The following CACNA1H variants were observed in gnomAD, a reference collection of about 807,000 sequenced individuals.
CACNA1H encodes the protein voltage-dependent T-type calcium channel subunit alpha-1H.
A neutral mutation model predicts 192.5 loss-of-function variants in CACNA1H; 149 were observed. That is an observed-to-expected ratio of 0.77 (90% CI 0.68 to 0.89). CACNA1H has a LOEUF of 0.89. CACNA1H is among the 40% of genes least tolerant of loss of function. The pLI, the probability that CACNA1H is intolerant of heterozygous loss-of-function variation, is 0.00. For missense variants in CACNA1H, 4,257 were observed against 3,423.5 expected (o/e 1.24, Z -6.08); for synonymous variants, 2,202 against 1,475.2 (o/e 1.49, Z -11.29).
chr16:1,155,062 C>T (rs532557195), intron 2 of CACNA1H, among the ~76,000 whole-genome samples: 2 of 152,338 alleles, frequency 1.3e-5, no homozygotes, highest in East Asian at 1.9e-4. Context: ...GCAGGAGCGG[C>T]CTGTGTACAC....
chr16:1,202,218 C>T lies in CACNA1H; in HGVS notation c.1768C>T (p.Arg590Trp), dbSNP rs199920661. Residue 590 changes from arginine to tryptophan, a missense_variant, in exon 9 of 35, where the codon CGG becomes TGG. By Grantham distance (101) the Arg-to-Trp change is moderately radical. Coordinates refer to ENST00000348261, the MANE Select transcript of CACNA1H (RefSeq NM_021098.3). ...CATAGAGGGGCCGCAGGAGAGGGCC[C>T]GGGTGGCACATGCCGCAGCCACTGC... ...CHIEGPQERARVAHAAATAAA... is the reference protein window; with the variant it reads ...CHIEGPQERAWVAHAAATAAA... 3.1e-5 allele frequency: 48 copies of T among 1,553,656 alleles called. No homozygotes were observed. The highest frequency in any genetic ancestry group is 1.2e-4 in the Admixed American group (6 of 51,424).
At chr16:1,206,920 A>ACCCCCCCCCC in intron 12 of CACNA1H, 81 bp from the exon 13 acceptor site, 1 of 48,172 alleles carries the variant, frequency 2.1e-5, no homozygotes, top group Non-Finnish European at 3.8e-5. Flanking sequence ...CCCTCCTCCC[A>ACCCCCCCCCC]CCCCCCTCCC....
rs774604155 is a variant in CACNA1H at position 1,209,366 on chromosome 16, A to T, written c.3698A>T (p.Asp1233Val). Residue 1233 changes from aspartate to valine, a missense_variant, in exon 17 of 35, where the codon GAC (aspartate) becomes GTC (valine). By Grantham distance (152) the Asp-to-Val change is radical. Coordinates refer to ENST00000348261, the MANE Select transcript of CACNA1H (RefSeq NM_021098.3). ...CCCAGCGACTTCTTCCTGCGCATCG[A>T]CAGCCACCGTGAGGATGCAGCCGAG... ...ALPSDFFLRI[D>V]SHREDAAELD... 1.9e-6 allele frequency: 3 copies of T among 1,597,788 alleles called. No individual in the cohort carries two copies. The highest frequency in any genetic ancestry group is 1.7e-5 in the Admixed American group (1 of 59,964).
At chr16:1,154,367 A>G (rs1230495487) in intron 2 of CACNA1H, among the ~76,000 whole-genome samples, 1 of 152,038 alleles carries the variant, frequency 6.6e-6, no homozygotes, top group East Asian at 1.9e-4. Flanking sequence ...TCGCGGCCCC[A>G]AGGGTGTTGG....
At chr16:1,188,058 C>T (rs1415883711) in intron 2 of CACNA1H, among the ~76,000 whole-genome samples, 1 of 152,182 alleles carries the variant, frequency 6.6e-6, no homozygotes, top group Non-Finnish European at 1.5e-5. Flanking sequence ...TGAAATAGCC[C>T]TTTTGTACAG....
chr16:1,212,581 G>C (rs1969588206), intron 26 of CACNA1H, 53 bp downstream of exon 26: 1 of 1,580,490 alleles, frequency 6.3e-7, no homozygotes, highest in African/African-American at 1.4e-5. Context: ...CCGCTGCTCG[G>C]GGAAGGGCGG....
intron 2 of CACNA1H, among the ~76,000 whole-genome samples, chr16:1,189,816 G>C (rs149433241): frequency 1.3e-3 from 205 of 152,262 alleles, no homozygotes; most frequent in African/African-American, 4.8e-3. Context: ...CACCGAGGGG[G>C]TCTTCAGCCC....
rs1489718587 is a variant in CACNA1H, at chr16:1,215,228, C to T, written c.5040-14C>T. 3 of 1,597,070 alleles carry T rather than the reference C, an allele frequency of 1.9e-6. No individual in the cohort carries two copies. Among genetic ancestry groups the T allele is most frequent in the Non-Finnish European group, 8.5e-7 (1 of 1,171,556 alleles). Reference sequence around the variant, plus strand: ...GGGACCCCAGACGTGTGCGCTGAGCCTCCGGCCACACAGGTGGAACCAGCT... The same window carrying T: ...GGGACCCCAGACGTGTGCGCTGAGCTTCCGGCCACACAGGTGGAACCAGCT... On this transcript the variant is annotated splice_polypyrimidine_tract_variant and intron_variant, in intron 28 of 34. Transcript: ENST00000348261.
In CACNA1H at chr16:1,210,807, G is replaced by C. The variant is rs749134982; in HGVS notation, c.4059G>C (p.Leu1353=). ...CGCAGGTGGTGGCCCTGGGGCTGCT[G>C]TCCGGCGAGCACGCCTACCTGCAGA... ...MMVKVVALGL[L]SGEHAYLQSS... The change falls in exon 21 of 35, where the codon CTG becomes CTC. Residue 1353 remains leucine (L), a synonymous_variant. Coordinates refer to ENST00000348261, the MANE Select transcript of CACNA1H (RefSeq NM_021098.3). 8.7e-6 allele frequency: 14 copies of C among 1,601,892 alleles called. No individual in the cohort carries two copies. In the Admixed American group the frequency reaches 1.0e-4, roughly 11 times the overall value.
chr16:1,153,672 G>T (rs1368395220), intron 1 of CACNA1H, 48 bp from the exon 2 acceptor site: 44 of 1,127,610 alleles, frequency 3.9e-5, no homozygotes, highest in Non-Finnish European at 4.7e-5. Context: ...GCGGGAGGCA[G>T]GGCGGGGGCG....
At chr16:1,199,969 C>A (rs183269120) in intron 6 of CACNA1H, among the ~76,000 whole-genome samples, 1 of 149,568 alleles carries the variant, frequency 6.7e-6, no homozygotes, top group Non-Finnish European at 1.5e-5. Flanking sequence ...CATCCCTGTT[C>A]TTTGTGTGTT....
intron 16 of CACNA1H, 96 bp downstream of exon 16, chr16:1,208,317 C>A: frequency 2.4e-6 from 2 of 839,326 alleles, no homozygotes; most frequent in Non-Finnish European, 3.8e-6. Context: ...GGGCCGCACC[C>A]CCCACACCCT....
At chr16:1,197,571 T>C (rs3794620) in intron 5 of CACNA1H, among the ~76,000 whole-genome samples, 62,003 of 152,170 alleles carry the variant, frequency 0.41, 13,216 homozygotes, top group African/African-American at 0.44. Context: ...GGCTGCATCC[T>C]GTTCTGTTGG....
At chr16:1,179,895 C>G (rs1965295655) in intron 2 of CACNA1H, among the ~76,000 whole-genome samples, 1 of 151,460 alleles carries the variant, frequency 6.6e-6, no homozygotes, top group African/African-American at 2.4e-5. Context: ...CCACCACGCC[C>G]AGCTAATTGT....
intron 7 of CACNA1H, 40 bp downstream of exon 7, chr16:1,200,611 G>T: frequency 1.2e-6 from 2 of 1,604,934 alleles, no homozygotes. Flanking sequence ...CTGGGGCACG[G>T]CAGGGGAGCG....
Position 1,210,818 on chromosome 16 carries a change from A to T in CACNA1H, c.4070A>T (p.His1357Leu), listed in dbSNP as rs775971172. ...VVALGLLSGE[H>L]AYLQSSWNLL... ...GCCCTGGGGCTGCTGTCCGGCGAGC[A>T]CGCCTACCTGCAGAGCAGCTGGAAC... The change falls in exon 21 of 35, where the codon CAC becomes CTC. Residue 1357 changes from histidine (H) to leucine (L), a missense_variant. Physicochemically the swap from His to Leu is moderately conservative, Grantham distance 99. Coordinates refer to ENST00000348261, the MANE Select transcript of CACNA1H (RefSeq NM_021098.3). The T allele has an allele frequency of 1.3e-5, 21 of 1,602,944 alleles. No homozygotes were observed. The highest frequency in any genetic ancestry group is 1.7e-5 in the Admixed American group (1 of 59,988).
chr16:1,195,466 T>G lies in CACNA1H; in HGVS notation c.446T>G (p.Val149Gly). The change falls in exon 4 of 35, where the codon GTG (valine) becomes GGG (glycine). Residue 149 changes from valine (V) to glycine (G), a missense_variant. Physicochemically the swap from Val to Gly is moderately radical, Grantham distance 109. Coordinates refer to ENST00000348261, the MANE Select transcript of CACNA1H (RefSeq NM_021098.3). ...FDAFIFAFFA[V>G]EMVIKMVALG... ...GCCTTCATTTTCGCCTTTTTTGCGG[T>G]GGAGATGGTCATCAAGATGGTGGCC... 6.4e-7 allele frequency: 1 copy of G among 1,573,250 alleles called. No individual in the cohort carries two copies. Among genetic ancestry groups the G allele is most frequent in the Non-Finnish European group, 8.6e-7 (1 of 1,159,016 alleles).
intron 2 of CACNA1H, among the ~76,000 whole-genome samples, chr16:1,165,071 C>T (rs1161671298): frequency 1.3e-5 from 2 of 151,874 alleles, no homozygotes; most frequent in Admixed American, 1.3e-4. Flanking sequence ...CTCACCTGAC[C>T]GGGGCAAGGA....
At chr16:1,172,189 G>A (rs1199879440) in intron 2 of CACNA1H, among the ~76,000 whole-genome samples, 3 of 152,198 alleles carry the variant, frequency 2.0e-5, no homozygotes, top group Admixed American at 6.5e-5. Context: ...TGCGTGCCTC[G>A]ATCCGGCTGG....
Sources: gnomAD v4.1 joint callset for allele counts (sites outside exome capture counted in the v4.1 genomes callset) on GRCh38, gnomAD v4.1.1 for gene constraint, MANE v1.5 for transcripts, NCBI Gene and HGNC (gene_info 2026-07-23, HGNC 2026-07-21) for gene names.